The following MME variants were observed in gnomAD, a reference collection of about 807,000 sequenced individuals.
MME encodes the protein membrane metalloendopeptidase.
Under a neutral mutation model 113.2 loss-of-function variants are expected in MME, and 98 were observed. The observed-to-expected ratio is 0.87, with a 90% CI of 0.74 to 1.02. The LOEUF is 1.02. Ranked by LOEUF, MME falls within the 50% of genes least tolerant of loss-of-function variation. MME has a pLI of 0.00. For synonymous variants in MME, 292 were observed against 300.6 expected, an observed-to-expected ratio of 0.97 and a Z score of 0.30; for missense variants, 836 against 896.0, an observed-to-expected ratio of 0.93 and a Z score of 0.86.
intron 8 of MME, among the ~76,000 whole-genome samples, chr3:155,131,730 C>A (rs1720163182): frequency 6.6e-6 from 1 of 152,136 alleles, no homozygotes; most frequent in Admixed American, 6.5e-5. Flanking sequence ...CCTGCTCTAG[C>A]GTCCTGCTCC....
intron 1 of MME, among the ~76,000 whole-genome samples, chr3:155,038,666 G>A (rs1713208135): frequency 6.6e-6 from 1 of 152,152 alleles, no homozygotes; most frequent in African/African-American, 2.4e-5. Flanking sequence ...ACTGCAGATA[G>A]TACTGAACCC....
At chr3:155,089,358 C>T (rs1241669746) in intron 3 of MME, among the ~76,000 whole-genome samples, 1 of 152,154 alleles carries the variant, frequency 6.6e-6, no homozygotes, top group Non-Finnish European at 1.5e-5. Context: ...TTCAAGGAAT[C>T]TTGTGCTTTA....
intron 22 of MME, among the ~76,000 whole-genome samples, chr3:155,180,022 C>T (rs905717332): frequency 6.6e-6 from 1 of 152,150 alleles, no homozygotes; most frequent in African/African-American, 2.4e-5. Context: ...TCATGTTTTA[C>T]AAACACATAT....
chr3:155,096,575 T>C (rs546847659), intron 3 of MME, among the ~76,000 whole-genome samples: 1 of 152,320 alleles, frequency 6.6e-6, no homozygotes, highest in South Asian at 2.1e-4. Context: ...GACGCATGAC[T>C]TTATCAGAAT....
rs530435969 is a variant in MME, at chr3:155,156,326, G to A, written c.1602-4064G>A. Among the ~76,000 whole-genome samples, 13 of 152,222 alleles carry A rather than the reference G, an allele frequency of 8.5e-5. No homozygotes were observed. The South Asian group carries it at 1.9e-3, about 22-fold the overall frequency. The stretch of plus-strand genomic sequence containing the variant: ...TATAATGCACCTAGAACATAACTTA[G>A]GTGCTCATTAAATAGTAACCAGTGT... On this transcript the variant is annotated intron_variant, in intron 16 of 22. Coordinates refer to ENST00000360490, the MANE Select transcript of MME (RefSeq NM_007289.4).
intron 14 of MME, among the ~76,000 whole-genome samples, chr3:155,145,174 C>CA (rs1243944809): frequency 1.3e-5 from 2 of 152,150 alleles, no homozygotes; most frequent in Non-Finnish European, 2.9e-5. Flanking sequence ...TGCTATCTTT[C>CA]CATCACTCTG....
intron 8 of MME, among the ~76,000 whole-genome samples, chr3:155,133,700 T>A (rs1177800197): frequency 7.0e-6 from 1 of 142,662 alleles, no homozygotes; most frequent in Non-Finnish European, 1.5e-5. Context: ...CATACATATA[T>A]AGTGTGTGTA....
rs192987674 is a variant in MME at position 155,036,625 on chromosome 3, T to A, written c.-11+12301T>A. Among the ~76,000 whole-genome samples the A allele has an allele frequency of 4.1e-3, 624 of 152,256 alleles. 3 individuals carry two copies. Among genetic ancestry groups the A allele is most frequent in the African/African-American group, 0.015 (605 of 41,576 alleles). On this transcript the variant is annotated intron_variant, in intron 1 of 22. Coordinates refer to the MME transcript ENST00000492661. ...GTAGTTCATTTCTTTTATTATTTTT[T>A]ATTATTGAGTTGTAAGAGTTCTTTC...
chr3:155,102,040 T>G (rs1187666049), intron 3 of MME, among the ~76,000 whole-genome samples: 1 of 152,202 alleles, frequency 6.6e-6, no homozygotes, highest in Non-Finnish European at 1.5e-5. Context: ...TTTTGTTTAT[T>G]TAGTAAAAGG....
chr3:155,035,477 G>A (rs1713098952), intron 1 of MME, among the ~76,000 whole-genome samples: 1 of 152,052 alleles, frequency 6.6e-6, no homozygotes, highest in African/African-American at 2.4e-5. Flanking sequence ...GATATTCTGG[G>A]AGTTATAATG....
At chr3:155,133,062 A>T (rs3836435) in intron 8 of MME, among the ~76,000 whole-genome samples, 9,308 of 70,496 alleles carry the variant, frequency 0.13, 812 homozygotes, top group African/African-American at 0.22. Context: ...AAAAAAAAAA[A>T]ATATATATAT....
upstream of MME, among the ~76,000 whole-genome samples, chr3:155,078,637 T>C (rs561706942): frequency 1.5e-3 from 223 of 148,982 alleles, 2 homozygotes; most frequent in African/African-American, 5.4e-3. Context: ...AATTCCGCAG[T>C]GGAGTGTGAA....
intron 20 of MME, among the ~76,000 whole-genome samples, chr3:155,169,693 C>T (rs930235013): frequency 6.6e-6 from 1 of 152,156 alleles, no homozygotes; most frequent in African/African-American, 2.4e-5. Context: ...CAAGGAACAA[C>T]TTGTTCCTAG....
chr3:155,147,680 C>G (rs981692994), intron 15 of MME, among the ~76,000 whole-genome samples: 2 of 152,078 alleles, frequency 1.3e-5, no homozygotes, highest in Non-Finnish European at 2.9e-5. Flanking sequence ...TTTGTTCTGC[C>G]CTGGTAATGT....
chr3:155,026,552 C>T (rs183958250), intron 1 of MME, among the ~76,000 whole-genome samples: 207 of 152,196 alleles, frequency 1.4e-3, no homozygotes, highest in African/African-American at 4.8e-3. Context: ...GGTGAAATCC[C>T]GTCTCTACTA....
intron 1 of MME, among the ~76,000 whole-genome samples, chr3:155,073,013 T>G (rs1714631004): frequency 6.6e-6 from 1 of 152,254 alleles, no homozygotes; most frequent in Non-Finnish European, 1.5e-5. Flanking sequence ...AAGAATCATT[T>G]GTATTGTTAT....
At chr3:155,110,239 G>T (rs1263845572) in intron 3 of MME, among the ~76,000 whole-genome samples, 1 of 152,216 alleles carries the variant, frequency 6.6e-6, no homozygotes, top group East Asian at 1.9e-4. Context: ...AAGCAGGGAG[G>T]GAAGAGTGTG....
rs116440331 is a variant in MME, at chr3:155,049,233, A to G, written c.-11+24909A>G. Among the ~76,000 whole-genome samples, 816 of 152,260 alleles carry G rather than the reference A, an allele frequency of 5.4e-3. 4 individuals are homozygous for G. Among genetic ancestry groups the G allele is most frequent in the African/African-American group, 0.019 (789 of 41,542 alleles). ...AATAGTCTTTCCAGATGTATTTAAG[A>G]TAATAATTGAGATAAGATTATGCCG... is the stretch of plus-strand genomic sequence containing the variant. On this transcript the variant is annotated intron_variant, in intron 1 of 22. Transcript: ENST00000492661.
At chr3:155,136,488 G>A (rs1286981646) in intron 8 of MME, among the ~76,000 whole-genome samples, 1 of 152,102 alleles carries the variant, frequency 6.6e-6, no homozygotes, top group East Asian at 1.9e-4. Flanking sequence ...GTTCTATTGA[G>A]TAGCAAATCC....
Sources: gnomAD v4.1 joint callset for allele counts (sites outside exome capture counted in the v4.1 genomes callset) on GRCh38, gnomAD v4.1.1 for gene constraint, MANE v1.5 for transcripts, NCBI Gene and HGNC (gene_info 2026-07-23, HGNC 2026-07-21) for gene names.